ZNF892: variants seen among roughly 807,000 people sequenced by gnomAD.
The protein encoded by ZNF892 is zinc finger protein 892.
chr2:95,220,061 C>G, the ZNF892 span, among the ~76,000 whole-genome samples: 2 of 152,118 alleles, frequency 1.3e-5, no homozygotes, highest in Non-Finnish European at 2.9e-5. Flanking sequence ...AGAGATGGCT[C>G]TGGGTAGGGG....
At chr2:95,242,853 C>G in the ZNF892 span, among the ~76,000 whole-genome samples, 1 of 151,910 alleles carries the variant, frequency 6.6e-6, no homozygotes, top group Non-Finnish European at 1.5e-5. Flanking sequence ...TCCCTCTCCC[C>G]ACGGTCTCCC....
chr2:95,211,503 TC>T, the ZNF892 span: 1 of 395,328 alleles, frequency 2.5e-6, no homozygotes, highest in South Asian at 1.4e-4. Context: ...GGCCATGTTG[TC>T]TGTCCTTTTT....
the ZNF892 span, among the ~76,000 whole-genome samples, chr2:95,263,090 T>G: frequency 6.6e-6 from 1 of 152,146 alleles, no homozygotes. Context: ...TGTGAGTCAT[T>G]AAATACAGAT....
the ZNF892 span, among the ~76,000 whole-genome samples, chr2:95,246,105 A>G: frequency 6.6e-6 from 1 of 152,224 alleles, no homozygotes; most frequent in African/African-American, 2.4e-5. Flanking sequence ...TCATTGATGC[A>G]AAAATCCTCA....
chr2:95,216,987 C>T, the ZNF892 span, among the ~76,000 whole-genome samples: 5 of 152,180 alleles, frequency 3.3e-5, no homozygotes, highest in South Asian at 2.1e-4. Context: ...CATAGACTGA[C>T]TGAGTGGCTC....
At chr2:95,211,399 G>T in the ZNF892 span, among the ~76,000 whole-genome samples, 1 of 152,184 alleles carries the variant, frequency 6.6e-6, no homozygotes, top group Admixed American at 6.5e-5. Flanking sequence ...CTTCCTACTT[G>T]CAGGTAATAT....
the ZNF892 span, among the ~76,000 whole-genome samples, chr2:95,238,714 T>A: frequency 6.6e-6 from 1 of 152,138 alleles, no homozygotes; most frequent in Non-Finnish European, 1.5e-5. Flanking sequence ...TGAGAGGAGA[T>A]CAAATATCCA....
At chr2:95,257,865 G>A in the ZNF892 span, among the ~76,000 whole-genome samples, 1 of 152,192 alleles carries the variant, frequency 6.6e-6, no homozygotes. Context: ...GACCCTCCAA[G>A]CCATGCACGG....
the ZNF892 span, among the ~76,000 whole-genome samples, chr2:95,217,778 A>G: frequency 1.3e-5 from 2 of 152,084 alleles, no homozygotes; most frequent in South Asian, 2.1e-4. Context: ...TAGTGGTCCT[A>G]TCTCTGTGGT....
the ZNF892 span, among the ~76,000 whole-genome samples, chr2:95,239,386 C>T: frequency 1.3e-5 from 2 of 152,068 alleles, no homozygotes; most frequent in East Asian, 3.9e-4. Context: ...AGGAGGGACT[C>T]CAATTTTGAA....
the ZNF892 span, among the ~76,000 whole-genome samples, chr2:95,227,844 C>G: frequency 2.6e-5 from 4 of 152,096 alleles, no homozygotes; most frequent in Admixed American, 2.6e-4. Context: ...TCTCAAACTC[C>G]TAGGCTCAAG....
the ZNF892 span, among the ~76,000 whole-genome samples, chr2:95,217,780 C>T: frequency 6.6e-6 from 1 of 152,160 alleles, no homozygotes; most frequent in Non-Finnish European, 1.5e-5. Context: ...GTGGTCCTAT[C>T]TCTGTGGTAC....
the ZNF892 span, among the ~76,000 whole-genome samples, chr2:95,254,910 G>A: frequency 6.6e-6 from 1 of 152,260 alleles, no homozygotes; most frequent in East Asian, 1.9e-4. Context: ...TTGTATTTCT[G>A]TGGGATCGGT....
At chr2:95,243,682 G>T in the ZNF892 span, among the ~76,000 whole-genome samples, 1 of 151,564 alleles carries the variant, frequency 6.6e-6, no homozygotes, top group Non-Finnish European at 1.5e-5. Flanking sequence ...AGTGAGGAGC[G>T]TCTCCGCCCG....
At chr2:95,258,664 C>A in the ZNF892 span, among the ~76,000 whole-genome samples, 3 of 152,104 alleles carry the variant, frequency 2.0e-5, no homozygotes, top group African/African-American at 7.2e-5. Flanking sequence ...GTATCCAACA[C>A]CTGGATCCCT....
chr2:95,251,819 CT>C, the ZNF892 span, among the ~76,000 whole-genome samples: 1 of 152,230 alleles, frequency 6.6e-6, no homozygotes, highest in Non-Finnish European at 1.5e-5. Context: ...GATTTTCCCC[CT>C]GTGACAAATC....
chr2:95,254,993 C>T, the ZNF892 span, among the ~76,000 whole-genome samples: 3 of 152,166 alleles, frequency 2.0e-5, no homozygotes, highest in South Asian at 2.1e-4. Context: ...GTCTTGCTAG[C>T]GGTCTATCAA....
At chr2:95,223,710 T>C in the ZNF892 span, among the ~76,000 whole-genome samples, 3 of 152,326 alleles carry the variant, frequency 2.0e-5, no homozygotes, top group African/African-American at 7.2e-5. Context: ...CACAGACTTA[T>C]TGAGATATAA....
At chr2:95,209,960 G>A in the ZNF892 span, among the ~76,000 whole-genome samples, 4 of 152,130 alleles carry the variant, frequency 2.6e-5, no homozygotes, top group East Asian at 7.7e-4. Flanking sequence ...TTCAGAGTAG[G>A]TAGTTCTTTT....
Sources: allele counts gnomAD v4.1 joint callset (sites outside exome capture counted in the v4.1 genomes callset), GRCh38; gene constraint gnomAD v4.1.1; transcripts MANE v1.5; gene names NCBI Gene and HGNC (gene_info 2026-07-23, HGNC 2026-07-21).